CCSER1: variants seen among roughly 807,000 people sequenced by gnomAD.
CCSER1 encodes the protein coiled-coil serine rich protein 1, also known as serine-rich coiled-coil domain-containing protein 1.
CCSER1 carries 41 observed loss-of-function variants against 82.0 expected under a neutral mutation model. The observed-to-expected ratio is 0.50, with a 90% CI of 0.39 to 0.65. The LOEUF (loss-of-function observed/expected upper bound fraction) is 0.65, where lower values mean the gene tolerates loss of function less well. Among genes scored for constraint, CCSER1 ranks in the 30% least tolerant of loss-of-function variants. The probability of loss-of-function intolerance (pLI) is 0.00; values close to 1 mark genes in which losing one functional copy is unlikely to be tolerated. For missense variants in CCSER1, 1,119 were observed against 1,064.2 expected (o/e 1.05, Z -0.72); for synonymous variants, 414 against 383.9 (o/e 1.08, Z -0.92).
intron 8 of CCSER1, among the ~76,000 whole-genome samples, chr4:90,856,844 G>A (rs946956464): frequency 5.3e-5 from 8 of 152,008 alleles, no homozygotes; most frequent in Admixed American, 1.3e-4. Context: ...TATTTTATCA[G>A]TGTGAACTTC....
chr4:91,062,393 T>A (rs1744034945), intron 9 of CCSER1, among the ~76,000 whole-genome samples: 1 of 152,106 alleles, frequency 6.6e-6, no homozygotes, highest in South Asian at 2.1e-4. Flanking sequence ...TCTGGCTCAT[T>A]GTACAGATTC....
intron 1 of CCSER1, among the ~76,000 whole-genome samples, chr4:90,207,833 G>A (rs1294128543): frequency 1.3e-5 from 2 of 152,224 alleles, no homozygotes; most frequent in African/African-American, 4.8e-5. Context: ...AGAGGCTGCA[G>A]AACAGCAAAG....
chr4:91,545,548 T>G (rs77251445), intron 10 of CCSER1, among the ~76,000 whole-genome samples: 2 of 152,184 alleles, frequency 1.3e-5, no homozygotes, highest in Admixed American at 6.5e-5. Context: ...TTGTGGATGC[T>G]AATATAAATA....
intron 7 of CCSER1, among the ~76,000 whole-genome samples, chr4:90,731,850 G>A (rs1744800140): frequency 2.0e-5 from 3 of 152,024 alleles, no homozygotes; most frequent in African/African-American, 7.2e-5. Context: ...TGATGTTTAT[G>A]ATTCTGTAGG....
At chr4:90,625,162 G>T (rs561282652) in intron 5 of CCSER1, among the ~76,000 whole-genome samples, 1 of 152,238 alleles carries the variant, frequency 6.6e-6, no homozygotes, top group East Asian at 1.9e-4. Flanking sequence ...GAACAGAAGA[G>T]CACCTGAATC....
intron 1 of CCSER1, among the ~76,000 whole-genome samples, chr4:90,295,631 T>A (rs1038843225): frequency 6.6e-6 from 1 of 152,192 alleles, no homozygotes; most frequent in African/African-American, 2.4e-5. Context: ...TGCTCACTTA[T>A]TTTTGATTTT....
intron 7 of CCSER1, among the ~76,000 whole-genome samples, chr4:90,798,178 A>C (rs1291986887): frequency 1.3e-5 from 2 of 151,994 alleles, no homozygotes; most frequent in African/African-American, 2.4e-5. Context: ...GCTCATTTTC[A>C]TTCTTTTTTC....
chr4:90,804,828 G>A (rs11942486), intron 7 of CCSER1, among the ~76,000 whole-genome samples: 51,690 of 151,800 alleles, frequency 0.34, 9,004 homozygotes, highest in East Asian at 0.42. Context: ...TAACTTTCCG[G>A]ATTTATAAAA....
intron 10 of CCSER1, among the ~76,000 whole-genome samples, chr4:91,526,217 C>T (rs1366045709): frequency 6.6e-6 from 1 of 152,142 alleles, no homozygotes; most frequent in African/African-American, 2.4e-5. Flanking sequence ...AAACTTTGGT[C>T]TCCATGATCC....
chr4:90,373,466 G>A (rs1747794980), intron 3 of CCSER1, among the ~76,000 whole-genome samples: 1 of 152,150 alleles, frequency 6.6e-6, no homozygotes, highest in African/African-American at 2.4e-5. Context: ...AGTTCATAGT[G>A]AAATAATAAG....
chr4:90,790,415 C>T (rs558019610), intron 7 of CCSER1, among the ~76,000 whole-genome samples: 1 of 152,284 alleles, frequency 6.6e-6, no homozygotes, highest in South Asian at 2.1e-4. Context: ...TACCTCTCCA[C>T]ATAAGTATAC....
intron 1 of CCSER1, among the ~76,000 whole-genome samples, chr4:90,138,058 T>G (rs536105694): frequency 4.6e-5 from 7 of 152,334 alleles, no homozygotes; most frequent in Admixed American, 3.9e-4. Flanking sequence ...GTGAGCTCTA[T>G]GAGGGCAGGG....
chr4:91,348,261 G>A (rs148982988), intron 10 of CCSER1, among the ~76,000 whole-genome samples: 21 of 152,026 alleles, frequency 1.4e-4, no homozygotes, highest in East Asian at 1.9e-4. Flanking sequence ...TATTTAGCCC[G>A]TTGATGTGAG....
intron 7 of CCSER1, among the ~76,000 whole-genome samples, chr4:90,782,760 C>T (rs1258717132): frequency 2.7e-5 from 4 of 147,834 alleles, no homozygotes; most frequent in Non-Finnish European, 4.4e-5. Context: ...TGGCTCACTG[C>T]AAGCTCCACC....
At chr4:91,578,022 T>C (rs72886316) in intron 10 of CCSER1, among the ~76,000 whole-genome samples, 17,242 of 152,016 alleles carry the variant, frequency 0.11, 1,102 homozygotes, top group Middle Eastern at 0.2. Flanking sequence ...TTTAAAAGAT[T>C]GAGGCTCCCC....
At position 90,945,878 on chromosome 4, in the gene CCSER1, T is replaced by G. The variant is rs775814626; in HGVS notation, c.2172+22431T>G. Among the ~76,000 whole-genome samples the G allele has an allele frequency of 1.6e-4, 24 of 152,182 alleles. 1 individual carries two copies. Among genetic ancestry groups the G allele is most frequent in the Non-Finnish European group, 3.1e-4 (21 of 68,018 alleles). The stretch of plus-strand genomic sequence containing the variant: ...CTAAAAGTTTTACATATTTTAAATA[T>G]TTTGATCCTCACGAAAGCTATAAAG... On this transcript the variant is annotated intron_variant, in intron 9 of 10. Coordinates refer to ENST00000509176, the MANE Select transcript of CCSER1 (RefSeq NM_001145065.2).
chr4:90,755,296 A>G (rs62312994), intron 7 of CCSER1, among the ~76,000 whole-genome samples: 1 of 152,162 alleles, frequency 6.6e-6, no homozygotes, highest in Non-Finnish European at 1.5e-5. Context: ...TGTGGAACTT[A>G]TTCTACTGTT....
chr4:91,051,268 T>C (rs546439124), intron 9 of CCSER1, among the ~76,000 whole-genome samples: 2 of 152,116 alleles, frequency 1.3e-5, no homozygotes, highest in African/African-American at 4.8e-5. Flanking sequence ...CGCATTCAAG[T>C]GGAAAATGAA....
intron 4 of CCSER1, among the ~76,000 whole-genome samples, chr4:90,420,667 A>G (rs1408522233): frequency 6.6e-6 from 1 of 152,112 alleles, no homozygotes; most frequent in Non-Finnish European, 1.5e-5. Context: ...TCCAATCAAC[A>G]GTAGCTGAAA....
Sources: gnomAD v4.1 joint callset for allele counts (sites outside exome capture counted in the v4.1 genomes callset) on GRCh38, gnomAD v4.1.1 for gene constraint, MANE v1.5 for transcripts, NCBI Gene and HGNC (gene_info 2026-07-23, HGNC 2026-07-21) for gene names.